RET: variants seen among roughly 807,000 people sequenced by gnomAD.
RET encodes the protein ret proto-oncogene.
A neutral mutation model predicts 118.3 loss-of-function variants in RET; 19 were observed. The observed-to-expected ratio is 0.16, with a 90% CI of 0.11 to 0.24. The LOEUF (loss-of-function observed/expected upper bound fraction) is 0.24, where lower values mean the gene tolerates loss of function less well. Among genes scored for constraint, RET ranks in the 10% least tolerant of loss-of-function variants. The pLI is 1.00. For synonymous variants in RET, 597 were observed against 644.1 expected, an observed-to-expected ratio of 0.93 and a Z score of 1.11; for missense variants, 1,219 against 1,502.1, an observed-to-expected ratio of 0.81 and a Z score of 3.12.
intron 12 of RET, among the ~76,000 whole-genome samples, chr10:43,117,248 C>A (rs1197893496): frequency 6.6e-6 from 1 of 152,266 alleles, no homozygotes; most frequent in Admixed American, 6.5e-5. Context: ...CTGTGAACAG[C>A]CAGGCTGAAT....
At position 43,104,957 on chromosome 10, in the gene RET, G is replaced by T; in HGVS notation, c.631G>T (p.Gly211Cys). ...CCTGTCTGCTTGGTGCGCAGGTGAG[G>T]GTCTGCCCTTCCGCTGCGCCCCGGA... ...SVAYRLLEGE[G>C]LPFRCAPDSL... The change falls in exon 4 of 20, where the codon GGT (glycine) becomes TGT (cysteine). Residue 211 changes from glycine (G) to cysteine (C), a missense_variant. Coordinates refer to ENST00000355710, the MANE Select transcript of RET (RefSeq NM_020975.6). The T allele has an allele frequency of 6.4e-7, 1 of 1,564,674 alleles. No individual in the cohort carries two copies. The highest frequency in any genetic ancestry group is 1.2e-5 in the South Asian group (1 of 86,456).
chr10:43,085,202 G>A (rs1371750655), intron 1 of RET, among the ~76,000 whole-genome samples: 1 of 152,172 alleles, frequency 6.6e-6, no homozygotes, highest in African/African-American at 2.4e-5. Context: ...CAGGCACTCT[G>A]TGCTCCCAAG....
chr10:43,101,700 C>A (rs547200615), intron 2 of RET, among the ~76,000 whole-genome samples: 2 of 152,330 alleles, frequency 1.3e-5, no homozygotes, highest in South Asian at 4.1e-4. Flanking sequence ...TCATGCACAG[C>A]CAGTTCCTGT....
At chr10:43,089,621 G>T (rs530748640) in intron 1 of RET, among the ~76,000 whole-genome samples, 1 of 152,336 alleles carries the variant, frequency 6.6e-6, no homozygotes, top group East Asian at 1.9e-4. Context: ...GAACCAGGGT[G>T]CTCCTGCTGT....
Position 43,129,381 on chromosome 10 carries a change from A to G in RET, c.*1112A>G, listed in dbSNP as rs1353594500. The G allele has an allele frequency of 8.6e-6, 2 of 233,616 alleles. No individual in the cohort carries two copies. The highest frequency in any genetic ancestry group is 1.7e-5 in the Non-Finnish European group (2 of 118,058). 14.5% of individuals were successfully genotyped at this position (233,616 alleles called of 1,614,324 possible). On this transcript the variant is annotated 3_prime_UTR_variant, in exon 20 of 20. Coordinates refer to ENST00000355710, the MANE Select transcript of RET (RefSeq NM_020975.6). ...AAAAGATGGTGTTTGGCTCTTATAG[A>G]GCCTGTGTGAAAGGCCCATGGATCA...
At chr10:43,102,967 A>G in intron 3 of RET, 1 of 429,464 alleles carries the variant, frequency 2.3e-6, no homozygotes, top group Non-Finnish European at 4.4e-6. Context: ...AGAGGAGGGG[A>G]ACAGACGAGG....
intron 1 of RET, among the ~76,000 whole-genome samples, chr10:43,087,449 C>T (rs919715802): frequency 7.2e-5 from 11 of 152,134 alleles, no homozygotes; most frequent in Admixed American, 2.6e-4. Flanking sequence ...ACTGAGCGCC[C>T]GGTATATGCA....
chr10:43,112,009 C>T (rs2132793064), intron 7 of RET, 90 bp from the exon 8 acceptor site: 2 of 1,527,668 alleles, frequency 1.3e-6, no homozygotes, highest in Non-Finnish European at 1.8e-6. Flanking sequence ...CCGTGGGCAG[C>T]TCAGCTGGTG....
In RET at chr10:43,105,115, C is replaced by T. The variant is rs1190726328; in HGVS notation, c.789C>T (p.Tyr263=). The T allele has an allele frequency of 4.3e-6, 7 of 1,612,452 alleles. No homozygotes were observed. Among genetic ancestry groups the T allele is most frequent in the Middle Eastern group, 1.7e-4 (1 of 6,040 alleles). The change falls in exon 4 of 20, where the codon TAC becomes TAT. Residue 263 remains tyrosine (Y), a synonymous_variant. Transcript: ENST00000355710. ...TGGTGCCCTTCCCGGTGACCGTGTA[C>T]GACGAGGACGACTCGGCGCCCACCT... ...VVMVPFPVTV[Y]DEDDSAPTFP...
chr10:43,116,664 C>T lies in RET; in HGVS notation c.2217C>T (p.Val739=), dbSNP rs2132906494. The change falls in exon 12 of 20, where the codon GTC becomes GTT. Residue 739 remains valine (V), a synonymous_variant. Transcript: ENST00000355710. The stretch of plus-strand genomic sequence containing the variant: ...GAGAAGGCGAATTTGGAAAAGTGGT[C>T]AAGGCAACGGCCTTCCATCTGAAAG... ...TLGEGEFGKV[V]KATAFHLKGR... is the part of the protein sequence containing the mutation. 1.2e-6 allele frequency: 2 copies of T among 1,614,160 alleles called. No individual in the cohort carries two copies. The highest frequency in any genetic ancestry group is 1.7e-6 in the Non-Finnish European group (2 of 1,180,038).
Position 43,109,225 on chromosome 10 carries a change from G to T in RET, c.1258G>T (p.Ala420Ser), listed in dbSNP as rs769548635. 4 of 1,612,426 alleles carry T rather than the reference G, an allele frequency of 2.5e-6. No homozygotes were observed. The African/African-American group carries it at 4.0e-5, about 16-fold the overall frequency. The change falls in exon 6 of 20, where the codon GCC (alanine) becomes TCC (serine). Residue 420 changes from alanine to serine, a missense_variant. Coordinates refer to ENST00000355710, the MANE Select transcript of RET (RefSeq NM_020975.6). Reference sequence around the variant, plus strand: ...CGTGAGCAGGAGGGCTCGCCGATTTGCCCAGGTGAGCCCATACCTATTGCC... The same window carrying T: ...CGTGAGCAGGAGGGCTCGCCGATTTTCCCAGGTGAGCCCATACCTATTGCC... ...LSVSRRARRFAQIGKVCVENC... is the reference protein window; with the variant it reads ...LSVSRRARRFSQIGKVCVENC...
chr10:43,080,773 G>A (rs2506013), intron 1 of RET, among the ~76,000 whole-genome samples: 52,891 of 152,216 alleles, frequency 0.35, 9,620 homozygotes, highest in South Asian at 0.42. Context: ...TGGGTCTGGG[G>A]AGGAGCACCA....
At chr10:43,093,138 T>C (rs1588858162) in intron 1 of RET, among the ~76,000 whole-genome samples, 1 of 151,822 alleles carries the variant, frequency 6.6e-6, no homozygotes. Flanking sequence ...AGGAAGTGAG[T>C]TGGAGGGCAG....
At position 43,117,684 on chromosome 10, in the gene RET, T is replaced by TC. The variant is rs200227811; in HGVS notation, c.2285-686dup. Among the ~76,000 whole-genome samples the TC allele has an allele frequency of 5.9e-5, 9 of 152,252 alleles. No individual in the cohort carries two copies. In the East Asian group the frequency reaches 1.7e-3, roughly 29 times the overall value. ...CGGGACGCATGTGCTGGGCAGGTGATCCCTGTGGTGCCTCGTCCTGTTTCC... is the reference window on the plus strand; with the variant it reads ...CGGGACGCATGTGCTGGGCAGGTGATCCCCTGTGGTGCCTCGTCCTGTTTCC... On this transcript the variant is annotated intron_variant, in intron 12 of 19. Coordinates refer to ENST00000355710, the MANE Select transcript of RET (RefSeq NM_020975.6).
At position 43,114,524 on chromosome 10, in the gene RET, G is replaced by C. The variant is rs759073728; in HGVS notation, c.1924G>C (p.Val642Leu). The C allele has an allele frequency of 6.2e-7, 1 of 1,609,686 alleles. No individual in the cohort carries two copies. Among genetic ancestry groups the C allele is most frequent in the Admixed American group, 1.7e-5 (1 of 60,012 alleles). Residue 642 changes from valine (V) to leucine (L), a missense_variant, in exon 11 of 20, where the codon GTC becomes CTC. Transcript: ENST00000355710. The surrounding 1 kb of genome is among the most constrained non-coding windows in gnomAD (Gnocchi z 4.6). ...GTGCCGCACGGTGATCGCAGCCGCT[G>C]TCCTCTTCTCCTTCATCGTCTCGGT... ...ELCRTVIAAA[V>L]LFSFIVSVLL... is the part of the protein sequence containing the mutation.
intron 18 of RET, 82 bp from the exon 19 acceptor site, chr10:43,126,493 C>T (rs1838330963): frequency 9.7e-6 from 12 of 1,237,394 alleles, no homozygotes; most frequent in Non-Finnish European, 1.4e-5. Context: ...AGAGCCTCTG[C>T]CCTGAGGATG....
At chr10:43,096,682 T>C (rs1438556829) in intron 1 of RET, among the ~76,000 whole-genome samples, 1 of 152,196 alleles carries the variant, frequency 6.6e-6, no homozygotes, top group African/African-American at 2.4e-5. Context: ...TGGTTCCTGA[T>C]GCCAGCAGCT....
chr10:43,122,067 T>A, intron 16 of RET, 51 bp downstream of exon 16: 1 of 1,428,728 alleles, frequency 7.0e-7, no homozygotes, highest in South Asian at 1.1e-5. Flanking sequence ...AACACCCTTA[T>A]ACATGTAGTG....
At chr10:43,107,157 C>CACCT (rs1301403638) in intron 5 of RET, among the ~76,000 whole-genome samples, 2 of 152,196 alleles carry the variant, frequency 1.3e-5, no homozygotes, top group Non-Finnish European at 2.9e-5. Flanking sequence ...CCAAATAAAC[C>CACCT]ACCTGCATTT....
Sources: gnomAD v4.1 joint callset for allele counts (sites outside exome capture counted in the v4.1 genomes callset) on GRCh38, gnomAD v4.1.1 for gene constraint, Gnocchi (gnomAD v3.1) non-coding constraint, MANE v1.5 for transcripts, NCBI Gene and HGNC (gene_info 2026-07-23, HGNC 2026-07-21) for gene names.